TSHZ2: variants seen among roughly 807,000 people sequenced by gnomAD.
TSHZ2 encodes teashirt homolog 2.
TSHZ2 carries 21 observed loss-of-function variants against 74.4 expected under a neutral mutation model. The observed-to-expected ratio is 0.28, with a 90% CI of 0.20 to 0.41. The LOEUF (loss-of-function observed/expected upper bound fraction) is 0.41. Ranked by LOEUF, TSHZ2 falls within the 10% of genes least tolerant of loss-of-function variation. TSHZ2 has a pLI of 1.00. For missense variants in TSHZ2, 1,244 were observed against 1,293.5 expected, an observed-to-expected ratio of 0.96 and a Z score of 0.59; for synonymous variants, 540 against 515.3, an observed-to-expected ratio of 1.05 and a Z score of -0.65.
intron 2 of TSHZ2, among the ~76,000 whole-genome samples, chr20:53,472,878 G>A (rs111609127): frequency 3.9e-5 from 6 of 152,068 alleles, no homozygotes; most frequent in East Asian, 2.0e-4. Flanking sequence ...CCCTTTCCGA[G>A]TCAAAGAAAG....
chr20:52,982,432 G>A (rs1981601669), intron 1 of TSHZ2, among the ~76,000 whole-genome samples: 1 of 152,218 alleles, frequency 6.6e-6, no homozygotes, highest in Non-Finnish European at 1.5e-5. Flanking sequence ...GACGGAGGAT[G>A]CTGCCTTTAG....
chr20:52,990,655 T>C (rs1981948855), intron 1 of TSHZ2, among the ~76,000 whole-genome samples: 2 of 152,206 alleles, frequency 1.3e-5, no homozygotes, highest in Admixed American at 1.3e-4. Flanking sequence ...GATTTTGTGT[T>C]ACAAGATGAA....
chr20:53,285,943 C>G (rs1193837854), intron 2 of TSHZ2, among the ~76,000 whole-genome samples: 2 of 151,944 alleles, frequency 1.3e-5, no homozygotes, highest in African/African-American at 4.8e-5. Flanking sequence ...ATGATTCCTA[C>G]CCTCATGAAG....
At chr20:53,461,259 G>A (rs1434818802) in intron 2 of TSHZ2, among the ~76,000 whole-genome samples, 1 of 152,254 alleles carries the variant, frequency 6.6e-6, no homozygotes, top group Non-Finnish European at 1.5e-5. Flanking sequence ...CGTTTTTTAA[G>A]CCCGTCAGAA....
chr20:53,074,166 C>T lies in TSHZ2; in HGVS notation c.40+100833C>T, dbSNP rs889261352. On this transcript the variant is annotated intron_variant, in intron 1 of 2. Coordinates refer to ENST00000371497, the MANE Select transcript of TSHZ2 (RefSeq NM_173485.6). The surrounding 1 kb of genome is among the most constrained non-coding windows in gnomAD (Gnocchi z 5.9). ...CTTTTAAACTGCTGTTCAAATGTCG[C>T]CTTCTCAATGGAGCCCTCCTTGACC... Among the ~76,000 whole-genome samples the T allele has an allele frequency of 2.0e-5, 3 of 152,316 alleles. No individual in the cohort carries two copies. Among genetic ancestry groups the T allele is most frequent in the African/African-American group, 2.4e-5 (1 of 41,564 alleles).
chr20:53,092,392 A>G (rs1468077427), intron 1 of TSHZ2, among the ~76,000 whole-genome samples: 2 of 152,208 alleles, frequency 1.3e-5, no homozygotes, highest in African/African-American at 2.4e-5. Context: ...TTATCAGTCA[A>G]CTTGAGTCTT....
At chr20:53,464,610 C>T (rs2082391603) in intron 2 of TSHZ2, among the ~76,000 whole-genome samples, 1 of 152,200 alleles carries the variant, frequency 6.6e-6, no homozygotes, top group Admixed American at 6.5e-5. Context: ...TATAGGTGCA[C>T]ACCACCATGC....
At chr20:53,132,941 C>G (rs1298190496) in intron 1 of TSHZ2, among the ~76,000 whole-genome samples, 1 of 152,142 alleles carries the variant, frequency 6.6e-6, no homozygotes, top group Non-Finnish European at 1.5e-5. Context: ...CTCTTATTCT[C>G]TTTCTACCGT....
intron 2 of TSHZ2, among the ~76,000 whole-genome samples, chr20:53,286,195 G>A (rs1479974949): frequency 1.3e-5 from 2 of 152,192 alleles, no homozygotes; most frequent in African/African-American, 4.8e-5. Context: ...CTTGCCATTT[G>A]TGTTTGTTCC....
chr20:53,006,596 C>A (rs1167090055), intron 1 of TSHZ2, among the ~76,000 whole-genome samples: 1 of 152,208 alleles, frequency 6.6e-6, no homozygotes, highest in East Asian at 1.9e-4. Flanking sequence ...ATCTATGTTG[C>A]CAGATCTTTT....
At chr20:53,201,777 A>G (rs1031102278) in intron 1 of TSHZ2, among the ~76,000 whole-genome samples, 1 of 152,040 alleles carries the variant, frequency 6.6e-6, no homozygotes, top group Non-Finnish European at 1.5e-5. Flanking sequence ...GAGCTGCTCT[A>G]TGCATTGTTA....
At chr20:53,263,596 G>C (rs373217691) in intron 2 of TSHZ2, among the ~76,000 whole-genome samples, 9 of 152,308 alleles carry the variant, frequency 5.9e-5, no homozygotes, top group Admixed American at 6.5e-5. Context: ...ATTTTAGTTT[G>C]TTTTGTTGTT....
intron 2 of TSHZ2, among the ~76,000 whole-genome samples, chr20:53,482,825 G>C (rs1986190124): frequency 6.6e-6 from 1 of 152,062 alleles, no homozygotes; most frequent in South Asian, 2.1e-4. Context: ...AAGATCACCT[G>C]AGCCCAGGAG....
At chr20:53,084,493 A>G (rs1221853874) in intron 1 of TSHZ2, among the ~76,000 whole-genome samples, 4 of 152,222 alleles carry the variant, frequency 2.6e-5, no homozygotes, top group Non-Finnish European at 5.9e-5. Context: ...CTAAACTTCT[A>G]TCAGTTTGGT....
intron 1 of TSHZ2, among the ~76,000 whole-genome samples, chr20:53,070,204 A>G (rs1215128487): frequency 6.6e-6 from 1 of 152,226 alleles, no homozygotes; most frequent in Non-Finnish European, 1.5e-5. Flanking sequence ...AGAAATGTGA[A>G]CCTTAGAAAA....
chr20:53,090,528 A>G (rs934618615), intron 1 of TSHZ2, among the ~76,000 whole-genome samples: 3 of 152,170 alleles, frequency 2.0e-5, no homozygotes, highest in African/African-American at 7.2e-5. Context: ...GAAAGATTTT[A>G]AGCAGCAGAA....
rs11469115 is a variant in TSHZ2 at position 52,995,611 on chromosome 20, CTTT to C, written c.40+22295_40+22297del. Among the ~76,000 whole-genome samples the C allele has an allele frequency of 8.4e-3, 1,140 of 136,060 alleles. 14 individuals are homozygous for C. The highest frequency in any genetic ancestry group is 0.028 in the African/African-American group (1,006 of 35,836). 89.3% of individuals were successfully genotyped at this position (136,060 alleles called of 152,430 possible). A position where few individuals can be genotyped will look rare whatever the true frequency, so the allele number is the denominator to read the frequency against. Reference sequence around the variant, plus strand: ...ATCTAGGTTATTTATTTTTTCTTTCCTTTTTTTTTTTTTTTTTTTGAGACATAG... The same window carrying C: ...ATCTAGGTTATTTATTTTTTCTTTCCTTTTTTTTTTTTTTTTGAGACATAG... On this transcript the variant is annotated intron_variant, in intron 1 of 2. Transcript: ENST00000371497.
At chr20:53,408,332 G>A (rs1343786848) in intron 2 of TSHZ2, among the ~76,000 whole-genome samples, 1 of 152,206 alleles carries the variant, frequency 6.6e-6, no homozygotes, top group African/African-American at 2.4e-5. Context: ...GTGGAGAAAA[G>A]CAACCCAGGA....
At chr20:53,250,901 TTG>T (rs11472057) in intron 1 of TSHZ2, among the ~76,000 whole-genome samples, 45,843 of 148,706 alleles carry the variant, frequency 0.31, 7,078 homozygotes, top group African/African-American at 0.37. Flanking sequence ...GGTGGGCAGA[TTG>T]TGTGTGTGTG....
Sources: allele counts gnomAD v4.1 joint callset (sites outside exome capture counted in the v4.1 genomes callset), GRCh38; gene constraint gnomAD v4.1.1; non-coding constraint Gnocchi (gnomAD v3.1); transcripts MANE v1.5; gene names NCBI Gene and HGNC (gene_info 2026-07-23, HGNC 2026-07-21).